KCNT2: variants seen among roughly 807,000 people sequenced by gnomAD.
The protein encoded by KCNT2 is potassium sodium-activated channel subfamily T member 2, also known as potassium channel subfamily T member 2.
In KCNT2, 67 loss-of-function variants were observed where a neutral mutation model predicts 153.8. The observed-to-expected ratio is 0.44, with a 90% CI of 0.36 to 0.53. The LOEUF (loss-of-function observed/expected upper bound fraction) is 0.53, where lower values mean the gene tolerates loss of function less well. Ranked by LOEUF, KCNT2 falls within the 20% of genes least tolerant of loss-of-function variation. KCNT2 has a pLI of 0.00. For synonymous variants in KCNT2, 500 were observed against 458.8 expected, an observed-to-expected ratio of 1.09 and a Z score of -1.15; for missense variants, 975 against 1,354.8, an observed-to-expected ratio of 0.72 and a Z score of 4.40.
At chr1:196,500,901 T>A (rs1234982426) in intron 1 of KCNT2, among the ~76,000 whole-genome samples, 2 of 152,200 alleles carry the variant, frequency 1.3e-5, no homozygotes, top group Non-Finnish European at 2.9e-5. Context: ...TGAACAGACA[T>A]TTTTCAAAAG....
chr1:196,469,539 A>G (rs1572560670), intron 5 of KCNT2, among the ~76,000 whole-genome samples: 1 of 152,296 alleles, frequency 6.6e-6, no homozygotes, highest in South Asian at 2.1e-4. Flanking sequence ...GACTTTTTCA[A>G]TCATCTAGAC....
intron 25 of KCNT2, among the ~76,000 whole-genome samples, chr1:196,279,132 T>A (rs1447317304): frequency 6.6e-6 from 1 of 152,194 alleles, no homozygotes; most frequent in Non-Finnish European, 1.5e-5. Context: ...GGTATTTTGT[T>A]ATAGCAGCCT....
At chr1:196,382,298 G>A (rs1218965351) in intron 13 of KCNT2, among the ~76,000 whole-genome samples, 1 of 151,318 alleles carries the variant, frequency 6.6e-6, no homozygotes, top group African/African-American at 2.4e-5. Flanking sequence ...TAGTAGAGAC[G>A]GGGTTTCACT....
chr1:196,565,360 G>A (rs573855235), intron 1 of KCNT2, among the ~76,000 whole-genome samples: 1 of 151,656 alleles, frequency 6.6e-6, no homozygotes, highest in African/African-American at 2.4e-5. Flanking sequence ...AATTAGTAGA[G>A]CCATTATGGA....
chr1:196,372,982 T>C (rs1286866027), intron 14 of KCNT2, among the ~76,000 whole-genome samples, 158 bp downstream of exon 14: 1 of 151,928 alleles, frequency 6.6e-6, no homozygotes, highest in East Asian at 1.9e-4. Flanking sequence ...CTTTAACATG[T>C]CTTTATTTAT....
At chr1:196,392,376 C>T (rs967213085) in intron 13 of KCNT2, among the ~76,000 whole-genome samples, 61 of 150,810 alleles carry the variant, frequency 4.0e-4, no homozygotes, top group Non-Finnish European at 7.4e-4. Context: ...AGATTTCCAT[C>T]CAAAAAAATG....
intron 12 of KCNT2, among the ~76,000 whole-genome samples, chr1:196,399,916 AG>A (rs1172308674): frequency 6.6e-6 from 1 of 151,860 alleles, no homozygotes; most frequent in Admixed American, 6.6e-5. Context: ...ACATTGAGTC[AG>A]CTGGCTCCTT....
intron 1 of KCNT2, among the ~76,000 whole-genome samples, chr1:196,538,644 G>A (rs375254044): frequency 6.6e-6 from 1 of 152,110 alleles, no homozygotes; most frequent in Admixed American, 6.5e-5. Flanking sequence ...GCCTCATGTA[G>A]CATGGTTACA....
intron 8 of KCNT2, among the ~76,000 whole-genome samples, chr1:196,434,641 C>A (rs757717769): frequency 1.4e-4 from 21 of 151,814 alleles, no homozygotes; most frequent in Non-Finnish European, 2.9e-4. Flanking sequence ...GTTCTACAAA[C>A]CCTTCTTTTG....
intron 13 of KCNT2, among the ~76,000 whole-genome samples, chr1:196,377,146 G>A (rs1409333606): frequency 6.6e-6 from 1 of 151,934 alleles, no homozygotes; most frequent in Non-Finnish European, 1.5e-5. Flanking sequence ...ACCCTAGAAT[G>A]GTTGCTGAGC....
intron 1 of KCNT2, among the ~76,000 whole-genome samples, chr1:196,572,274 C>T (rs1660868549): frequency 6.6e-6 from 1 of 152,080 alleles, no homozygotes; most frequent in Non-Finnish European, 1.5e-5. Flanking sequence ...ATAGGGAAAT[C>T]TCCACCTGGC....
At chr1:196,279,717 T>C (rs965484224) in intron 25 of KCNT2, among the ~76,000 whole-genome samples, 1 of 151,848 alleles carries the variant, frequency 6.6e-6, no homozygotes, top group African/African-American at 2.4e-5. Flanking sequence ...TGTGAGCCAC[T>C]GTGCCAGGCC....
Position 196,470,963 on chromosome 1 carries a change from T to A in KCNT2, c.385-1895A>T, listed in dbSNP as rs377535697. On this transcript the variant is annotated intron_variant, in intron 5 of 27. Coordinates refer to ENST00000294725, the MANE Select transcript of KCNT2 (RefSeq NM_198503.5). ...GGCACAATCTCGGCTCACTGCAAGC[T>A]CCGCCTCCCTGGGTTCATGCCATTC... 1.3e-4 allele frequency among the ~76,000 whole-genome samples: 20 copies of A among 148,246 alleles called. No homozygotes were observed. In the East Asian group the frequency reaches 2.4e-3, roughly 18 times the overall value.
At chr1:196,380,931 A>T (rs1196362497) in intron 13 of KCNT2, among the ~76,000 whole-genome samples, 1 of 152,188 alleles carries the variant, frequency 6.6e-6, no homozygotes, top group Non-Finnish European at 1.5e-5. Flanking sequence ...CACGTCAGAA[A>T]CTTTGCCAAT....
chr1:196,451,678 T>C (rs926740017), intron 8 of KCNT2, among the ~76,000 whole-genome samples: 2 of 151,798 alleles, frequency 1.3e-5, no homozygotes, highest in African/African-American at 4.8e-5. Flanking sequence ...CATTAATTTT[T>C]TTACTCAATA....
chr1:196,259,266 A>T (rs548434688), intron 25 of KCNT2, among the ~76,000 whole-genome samples: 1 of 152,106 alleles, frequency 6.6e-6, no homozygotes, highest in Non-Finnish European at 1.5e-5. Flanking sequence ...GTCTATTATG[A>T]CTTACTCTTT....
intron 1 of KCNT2, among the ~76,000 whole-genome samples, chr1:196,556,433 CA>C (rs1658672659): frequency 6.6e-6 from 1 of 151,370 alleles, no homozygotes; most frequent in Non-Finnish European, 1.5e-5. Context: ...AAATGCAAAT[CA>C]AAACTGTAAT....
In KCNT2 at chr1:196,285,632, GAAAAT is replaced by G. The variant is rs1324837909; in HGVS notation, c.2697+20_2697+24del. ...TAAAACAGAAAACAACCATTTTAGA[GAAAAT>G]AAAAAGAAATATTGTATACCTGATA... On this transcript the variant is annotated intron_variant, in intron 23 of 27. Coordinates refer to ENST00000294725, the MANE Select transcript of KCNT2 (RefSeq NM_198503.5). 14 of 1,397,024 alleles carry G rather than the reference GAAAAT, an allele frequency of 1.0e-5. No individual in the cohort carries two copies. The East Asian group carries it at 2.3e-4, about 23-fold the overall frequency. The allele number at this position is 1,397,024 out of a possible 1,614,324, so 86.5% of individuals were successfully genotyped here.
intron 26 of KCNT2, among the ~76,000 whole-genome samples, chr1:196,244,678 C>G (rs1655269314): frequency 6.6e-6 from 1 of 152,116 alleles, no homozygotes; most frequent in Non-Finnish European, 1.5e-5. Context: ...AGGCCAGCTG[C>G]AGTAGGATAG....
Sources: allele counts gnomAD v4.1 joint callset (sites outside exome capture counted in the v4.1 genomes callset), GRCh38; gene constraint gnomAD v4.1.1; transcripts MANE v1.5; gene names NCBI Gene and HGNC (gene_info 2026-07-23, HGNC 2026-07-21).